UBL3: variants seen among roughly 807,000 people sequenced by gnomAD.
The protein encoded by UBL3 is ubiquitin like 3.
In UBL3, 6 loss-of-function variants were observed where a neutral mutation model predicts 18.4. That is an observed-to-expected ratio of 0.33 (90% confidence interval 0.18 to 0.64). The LOEUF (loss-of-function observed/expected upper bound fraction) is 0.64, where lower values mean the gene tolerates loss of function less well. Ranked by LOEUF, UBL3 falls within the 30% of genes least tolerant of loss-of-function variation. The probability of loss-of-function intolerance (pLI) is 0.76; values close to 1 mark genes in which losing one functional copy is unlikely to be tolerated. For synonymous variants in UBL3, 49 were observed against 46.6 expected (o/e 1.05, Z -0.21); for missense variants, 109 against 142.9 (o/e 0.76, Z 1.21).
At chr13:29,849,442 T>G in intron 1 of UBL3, 70 bp downstream of exon 1, 1 of 1,607,966 alleles carries the variant, frequency 6.2e-7, no homozygotes. Flanking sequence ...GCCCCACGCC[T>G]GCCGTCTTTC....
intron 1 of UBL3, among the ~76,000 whole-genome samples, chr13:29,833,488 T>C (rs891098428): frequency 1.3e-5 from 2 of 152,156 alleles, no homozygotes; most frequent in African/African-American, 2.4e-5. Context: ...TTTGAGAACA[T>C]GGCAGAAGAC....
intron 1 of UBL3, among the ~76,000 whole-genome samples, chr13:29,782,597 C>T (rs1877205833): frequency 6.6e-6 from 1 of 152,196 alleles, no homozygotes; most frequent in African/African-American, 2.4e-5. Flanking sequence ...GCTTCAGACA[C>T]TCAGGAAACT....
At chr13:29,767,341 A>C (rs1876716402) in intron 4 of UBL3, 34 bp from the exon 5 acceptor site, 1 of 1,612,314 alleles carries the variant, frequency 6.2e-7, no homozygotes, top group Non-Finnish European at 8.5e-7. Flanking sequence ...CGTTTATAAA[A>C]ATTCTAGAAC....
At chr13:29,836,772 G>A (rs755985371) in intron 1 of UBL3, among the ~76,000 whole-genome samples, 1 of 152,186 alleles carries the variant, frequency 6.6e-6, no homozygotes, top group Non-Finnish European at 1.5e-5. Flanking sequence ...CTCAAAGAAA[G>A]GGGCCCAATA....
chr13:29,848,044 T>A (rs1410511482), intron 1 of UBL3, among the ~76,000 whole-genome samples: 2 of 152,122 alleles, frequency 1.3e-5, no homozygotes, highest in Admixed American at 1.3e-4. Context: ...AAGAGCAAAA[T>A]TCCTTTAAAC....
chr13:29,797,077 TTAG>T (rs1433236814), intron 1 of UBL3, among the ~76,000 whole-genome samples: 1 of 152,156 alleles, frequency 6.6e-6, no homozygotes, highest in African/African-American at 2.4e-5. Context: ...TATTTATAAA[TTAG>T]TAGAAGTTAT....
In UBL3 at chr13:29,848,728, T is replaced by C. The variant is rs992522300; in HGVS notation, c.27+784A>G. Among the ~76,000 whole-genome samples, 7 of 152,148 alleles carry C rather than the reference T, an allele frequency of 4.6e-5. No individual in the cohort carries two copies. In the East Asian group the frequency reaches 5.8e-4, roughly 13 times the overall value. On this transcript the variant is annotated intron_variant, in intron 1 of 4. Coordinates refer to ENST00000380680, the MANE Select transcript of UBL3 (RefSeq NM_007106.4). ...CACTGTAAGGTTACACGGTTACTGT[T>C]AGTCAACCGACTCACAACCTTACCC...
chr13:29,822,095 T>C (rs562393352), intron 1 of UBL3, among the ~76,000 whole-genome samples: 2 of 152,334 alleles, frequency 1.3e-5, no homozygotes, highest in African/African-American at 2.4e-5. Context: ...AACTATCTTA[T>C]AAATTAGCAG....
intron 3 of UBL3, among the ~76,000 whole-genome samples, chr13:29,769,056 T>TA (rs1405256213): frequency 1.3e-5 from 2 of 152,120 alleles, no homozygotes; most frequent in Non-Finnish European, 2.9e-5. Flanking sequence ...CTGGAGATAC[T>TA]AATTCCATTA....
At chr13:29,783,721 C>G (rs969050192) in intron 1 of UBL3, among the ~76,000 whole-genome samples, 3 of 151,984 alleles carry the variant, frequency 2.0e-5, no homozygotes, top group Admixed American at 1.3e-4. Context: ...AGTGAAAGGC[C>G]TTTTTACTTC....
At position 29,782,765 on chromosome 13, in the gene UBL3, A is replaced by G. The variant is rs1400644323; in HGVS notation, c.28-5502T>C. 3.3e-5 allele frequency among the ~76,000 whole-genome samples: 5 copies of G among 152,250 alleles called. No individual in the cohort carries two copies. In the East Asian group the frequency reaches 7.7e-4, roughly 23 times the overall value. The stretch of plus-strand genomic sequence containing the variant: ...CTGGGTGGGGAAGGGGGAGAAAATG[A>G]CAACTGCAACAGTAACTGTGTAAAT... On this transcript the variant is annotated intron_variant, in intron 1 of 4. Coordinates refer to ENST00000380680, the MANE Select transcript of UBL3 (RefSeq NM_007106.4).
At chr13:29,788,516 G>C (rs76163666) in intron 1 of UBL3, among the ~76,000 whole-genome samples, 3 of 152,022 alleles carry the variant, frequency 2.0e-5, no homozygotes, top group Non-Finnish European at 4.4e-5. Context: ...AGCATACTTC[G>C]ATGCCACCCC....
intron 1 of UBL3, among the ~76,000 whole-genome samples, chr13:29,781,784 G>T: frequency 7.4e-6 from 1 of 135,490 alleles, no homozygotes; most frequent in Non-Finnish European, 1.5e-5. Context: ...AGGAGTTTGA[G>T]ACCAGCCTAG....
intron 1 of UBL3, among the ~76,000 whole-genome samples, chr13:29,778,642 T>A (rs1877064632): frequency 6.6e-6 from 1 of 152,212 alleles, no homozygotes; most frequent in Non-Finnish European, 1.5e-5. Flanking sequence ...ATCTTTAAGA[T>A]GTCAGAGTCT....
intron 1 of UBL3, among the ~76,000 whole-genome samples, chr13:29,847,474 T>G (rs1254640743): frequency 1.3e-5 from 2 of 152,212 alleles, no homozygotes; most frequent in Admixed American, 6.5e-5. Context: ...AATAAAACCC[T>G]GCTCCTACTT....
rs74044764 is a variant in UBL3 at position 29,847,185 on chromosome 13, C to G, written c.27+2327G>C. On this transcript the variant is annotated intron_variant, in intron 1 of 4. Coordinates refer to ENST00000380680, the MANE Select transcript of UBL3 (RefSeq NM_007106.4). ...CAAAAATGCAAAGTTAAGTAATAAA[C>G]GAACGTTTAAAAGACTTTCACAAAG... Among the ~76,000 whole-genome samples, 348 of 152,160 alleles carry G rather than the reference C, an allele frequency of 2.3e-3. 3 individuals carry two copies. The highest frequency in any genetic ancestry group is 8.3e-3 in the African/African-American group (343 of 41,502).
intron 1 of UBL3, among the ~76,000 whole-genome samples, chr13:29,795,164 A>ATAGGCAT (rs1877577052): frequency 6.6e-6 from 1 of 152,192 alleles, no homozygotes; most frequent in Non-Finnish European, 1.5e-5. Flanking sequence ...CCTTCAAGGG[A>ATAGGCAT]TAACTCTACT....
At chr13:29,812,417 G>A (rs1044036863) in intron 1 of UBL3, among the ~76,000 whole-genome samples, 1 of 151,976 alleles carries the variant, frequency 6.6e-6, no homozygotes, top group East Asian at 1.9e-4. Context: ...GTATAAATCA[G>A]AATATATTTG....
rs1311868896 is a variant in UBL3, at chr13:29,849,593, G to A, written c.-55C>T. 4 of 1,604,804 alleles carry A rather than the reference G, an allele frequency of 2.5e-6. No individual in the cohort carries two copies. Among genetic ancestry groups the A allele is most frequent in the East Asian group, 2.2e-5 (1 of 44,862 alleles). The stretch of plus-strand genomic sequence containing the variant: ...ACGAAAAAAACAAACAAAGAAAAAA[G>A]AGCAGAAGTCTTCACGTTACAGAAA... On this transcript the variant is annotated 5_prime_UTR_variant, in exon 1 of 5. Coordinates refer to ENST00000380680, the MANE Select transcript of UBL3 (RefSeq NM_007106.4).
Sources: gnomAD v4.1 joint callset for allele counts (sites outside exome capture counted in the v4.1 genomes callset) on GRCh38, gnomAD v4.1.1 for gene constraint, MANE v1.5 for transcripts, NCBI Gene and HGNC (gene_info 2026-07-23, HGNC 2026-07-21) for gene names.